SLC5A11: variants seen among roughly 807,000 people sequenced by gnomAD.
The protein encoded by SLC5A11 is solute carrier family 5 member 11.
In SLC5A11, 48 loss-of-function variants were observed where a neutral mutation model predicts 69.8. The observed-to-expected ratio is 0.69, with a 90% CI of 0.55 to 0.87. The LOEUF is 0.87. Among genes scored for constraint, SLC5A11 ranks in the 40% least tolerant of loss-of-function variants. The pLI, the probability that SLC5A11 is intolerant of heterozygous loss-of-function variation, is 0.00. For missense variants in SLC5A11, 784 were observed against 866.1 expected (o/e 0.91, Z 1.19); for synonymous variants, 319 against 342.4 (o/e 0.93, Z 0.75).
intron 12 of SLC5A11, among the ~76,000 whole-genome samples, 200 bp downstream of exon 13, chr16:24,907,375 A>G (rs374315930): frequency 8.3e-4 from 126 of 152,324 alleles, no homozygotes; most frequent in African/African-American, 2.9e-3. Context: ...GAAAGGGCTC[A>G]GTTCTTGCCT....
chr16:24,869,968 C>T (rs746844400), exon 4 of SLC5A11: 2 of 1,614,042 alleles, frequency 1.2e-6, no homozygotes, highest in Non-Finnish European at 1.7e-6. Context: ...GGGTCAGGTG[C>T]TGCTACGGGC....
rs539713816 is a variant in SLC5A11, at chr16:24,869,800, A to G, written c.208-101A>G. Reference sequence around the variant, plus strand: ...GCTAGGGGTGGCCCTGCCTTCCTCTACTTCTCTTCTCTGTCCCTTTGGAGC... The same window carrying G: ...GCTAGGGGTGGCCCTGCCTTCCTCTGCTTCTCTTCTCTGTCCCTTTGGAGC... On this transcript the variant is annotated intron_variant, in intron 3 of 15. Coordinates refer to ENST00000347898, the Ensembl canonical transcript of SLC5A11. 35 of 803,092 alleles carry G rather than the reference A, an allele frequency of 4.4e-5. No homozygotes were observed. In the East Asian group the frequency reaches 6.7e-4, roughly 15 times the overall value. 49.7% of individuals were successfully genotyped at this position (803,092 alleles called of 1,614,324 possible). A position where few individuals can be genotyped will look rare whatever the true frequency, so the allele number is the denominator to read the frequency against.
exon 14 of SLC5A11, chr16:24,908,942 T>A: frequency 6.2e-7 from 1 of 1,614,110 alleles, no homozygotes; most frequent in Non-Finnish European, 8.5e-7. Context: ...GTCCTGGACT[T>A]TATTTACGTG....
chr16:24,910,408 C>T (rs148456649), exon 15 of SLC5A11: 21 of 1,614,010 alleles, frequency 1.3e-5, no homozygotes, highest in Non-Finnish European at 1.7e-5. Flanking sequence ...GAACGGGATG[C>T]CAGAGGCCAG....
At chr16:24,852,715 G>A (rs1008981743) in intron 1 of SLC5A11, among the ~76,000 whole-genome samples, 1 of 152,180 alleles carries the variant, frequency 6.6e-6, no homozygotes, top group Non-Finnish European at 1.5e-5. Context: ...AGAGGACGGG[G>A]CCAAGTCTAC....
intron 1 of SLC5A11, among the ~76,000 whole-genome samples, chr16:24,849,650 G>A (rs1302750255): frequency 7.5e-6 from 1 of 133,592 alleles, no homozygotes; most frequent in Admixed American, 8.1e-5. Flanking sequence ...GTTGGCATTT[G>A]GATGGACAGG....
rs576886645 is a variant in SLC5A11, at chr16:24,881,121, G to A, written c.584-2930G>A. ...CCTGGGAGGCTGAGGGAGGAGAATC[G>A]CTTGAACCCTGGAGGCAGAGGCTGC... On this transcript the variant is annotated intron_variant, in intron 7 of 15. Transcript: ENST00000347898. 2.2e-3 allele frequency among the ~76,000 whole-genome samples: 337 copies of A among 151,526 alleles called. 1 individual carries two copies. The highest frequency in any genetic ancestry group is 7.5e-3 in the African/African-American group (312 of 41,336).
chr16:24,910,341 C>T (rs550213019), exon 15 of SLC5A11: 29 of 1,614,064 alleles, frequency 1.8e-5, no homozygotes, highest in African/African-American at 5.3e-5. Flanking sequence ...GTCACGACCC[C>T]GTGGTCCAGA....
At chr16:24,871,716 TATC>T (rs1452350468) in intron 4 of SLC5A11, among the ~76,000 whole-genome samples, 13 of 152,170 alleles carry the variant, frequency 8.5e-5, no homozygotes, top group African/African-American at 3.1e-4. Context: ...ACTCATTAAG[TATC>T]ATCTTCCTGA....
intron 9 of SLC5A11, among the ~76,000 whole-genome samples, chr16:24,893,793 A>T (rs1177633604): frequency 6.6e-6 from 1 of 151,874 alleles, no homozygotes; most frequent in African/African-American, 2.4e-5. Flanking sequence ...GCTAGTCTTG[A>T]ACTCCTGACC....
exon 9 of SLC5A11, chr16:24,890,978 C>T: frequency 6.2e-7 from 1 of 1,614,172 alleles, no homozygotes; most frequent in Non-Finnish European, 8.5e-7. Flanking sequence ...AAGATGCCTT[C>T]CATATTTTCC....
At chr16:24,898,358 T>G (rs1409859575) in intron 10 of SLC5A11, among the ~76,000 whole-genome samples, 2 of 150,084 alleles carry the variant, frequency 1.3e-5, no homozygotes, top group Admixed American at 1.3e-4. Flanking sequence ...GCTACAGGTA[T>G]GCACCATGAT....
chr16:24,911,186 AGG>A, intron 15 of SLC5A11, 140 bp from the exon 17 acceptor site: 1 of 677,196 alleles, frequency 1.5e-6, no homozygotes, highest in African/African-American at 1.8e-5. Flanking sequence ...AAAAAAAAAA[AGG>A]GAGATTTCAG....
chr16:24,855,782 G>A (rs2059502793), intron 1 of SLC5A11, among the ~76,000 whole-genome samples: 1 of 152,136 alleles, frequency 6.6e-6, no homozygotes, highest in African/African-American at 2.4e-5. Context: ...CACCTATGAG[G>A]AACGGGCCCT....
chr16:24,891,778 G>A (rs2048826301), intron 9 of SLC5A11, among the ~76,000 whole-genome samples: 1 of 152,120 alleles, frequency 6.6e-6, no homozygotes, highest in South Asian at 2.1e-4. Context: ...CTTAAAATCA[G>A]GAGCTAATAA....
chr16:24,884,653 A>C (rs531925515), intron 8 of SLC5A11, among the ~76,000 whole-genome samples: 1 of 150,496 alleles, frequency 6.6e-6, no homozygotes, highest in African/African-American at 2.4e-5. Context: ...TTTCAAGTAA[A>C]AATCTCTTTC....
chr16:24,865,768 G>A (rs920760119), intron 3 of SLC5A11, among the ~76,000 whole-genome samples: 2 of 151,632 alleles, frequency 1.3e-5, no homozygotes, highest in African/African-American at 4.8e-5. Flanking sequence ...AAATTCTAAA[G>A]GTAATCCTTC....
At chr16:24,910,362 A>G in exon 15 of SLC5A11, 1 of 1,614,040 alleles carries the variant, frequency 6.2e-7, no homozygotes, top group Non-Finnish European at 8.5e-7. Flanking sequence ...AGGAACAAGC[A>G]CCACCAGCAG....
chr16:24,910,236 T>C (rs1597328825), intron 14 of SLC5A11, 70 bp from the exon 16 acceptor site: 3 of 1,503,794 alleles, frequency 2.0e-6, no homozygotes, highest in African/African-American at 1.4e-5. Flanking sequence ...GGGTGGGGAG[T>C]GTGAGAAAAG....
Sources: allele counts gnomAD v4.1 joint callset (sites outside exome capture counted in the v4.1 genomes callset), GRCh38; gene constraint gnomAD v4.1.1; transcripts MANE v1.5; gene names NCBI Gene and HGNC (gene_info 2026-07-23, HGNC 2026-07-21).